The following SNX29 variants were observed in gnomAD, a reference collection of about 807,000 sequenced individuals.
SNX29 encodes sorting nexin-29.
A neutral mutation model predicts 102.1 loss-of-function variants in SNX29; 78 were observed. The ratio of observed to expected loss-of-function variants is 0.76; its 90% confidence interval spans 0.64 to 0.92. SNX29 has a LOEUF of 0.92. Among genes scored for constraint, SNX29 ranks in the 40% least tolerant of loss-of-function variants. The pLI is 0.00. For synonymous variants in SNX29, 580 were observed against 414.5 expected (o/e 1.40, Z -4.85); for missense variants, 1,280 against 1,061.7 (o/e 1.21, Z -2.86).
intron 14 of SNX29, among the ~76,000 whole-genome samples, chr16:12,206,384 CAAA>C (rs59859762): frequency 1.1e-4 from 10 of 92,130 alleles, no homozygotes; most frequent in African/African-American, 3.3e-4. Flanking sequence ...AAATAGCTTT[CAAA>C]AAAAAAAAAA....
chr16:12,370,589 T>G (rs2082647052), intron 16 of SNX29, among the ~76,000 whole-genome samples: 3 of 152,164 alleles, frequency 2.0e-5, no homozygotes, highest in African/African-American at 7.2e-5. Context: ...ACATCTCTGC[T>G]TCCTTGTCTC....
At chr16:12,084,486 G>A (rs1300243085) in intron 11 of SNX29, among the ~76,000 whole-genome samples, 1 of 152,228 alleles carries the variant, frequency 6.6e-6, no homozygotes, top group Non-Finnish European at 1.5e-5. Flanking sequence ...CCTCAGGGAT[G>A]CCTTGCATTT....
intron 15 of SNX29, among the ~76,000 whole-genome samples, chr16:12,303,519 T>G (rs1398169757): frequency 6.6e-6 from 1 of 151,888 alleles, no homozygotes; most frequent in Admixed American, 6.6e-5. Flanking sequence ...ATGAGAAAAG[T>G]GTAGAATGGA....
intron 20 of SNX29, among the ~76,000 whole-genome samples, chr16:12,537,074 T>C (rs182570611): frequency 8.4e-4 from 128 of 152,284 alleles, no homozygotes; most frequent in African/African-American, 3.0e-3. Flanking sequence ...ACGATGTAGA[T>C]TTATCCATGT....
At chr16:12,456,786 G>C (rs543202142) in intron 18 of SNX29, among the ~76,000 whole-genome samples, 2 of 152,146 alleles carry the variant, frequency 1.3e-5, no homozygotes, top group African/African-American at 4.8e-5. Flanking sequence ...GATGCATTGG[G>C]ATTGTGAGCT....
rs758885195 is a variant in SNX29, at chr16:12,365,983, A to G, written c.1899+9704A>G. 4.5e-5 allele frequency among the ~76,000 whole-genome samples: 6 copies of G among 134,142 alleles called. No individual in the cohort carries two copies. In the East Asian group the frequency reaches 6.9e-4, roughly 15 times the overall value. 88.0% of individuals were successfully genotyped at this position (134,142 alleles called of 152,430 possible). A position where few individuals can be genotyped will look rare whatever the true frequency, so the allele number is the denominator to read the frequency against. On this transcript the variant is annotated intron_variant, in intron 16 of 20. Coordinates refer to ENST00000566228, the MANE Select transcript of SNX29 (RefSeq NM_032167.5). Reference sequence around the variant, plus strand: ...CATGAACCCGGGAGGTGGAGGTTGCAGTGAGCAGAGATCGTGCCACTGCAC... The same window carrying G: ...CATGAACCCGGGAGGTGGAGGTTGCGGTGAGCAGAGATCGTGCCACTGCAC...
intron 14 of SNX29, among the ~76,000 whole-genome samples, chr16:12,273,715 C>T (rs1052479647): frequency 3.9e-5 from 6 of 152,146 alleles, no homozygotes; most frequent in African/African-American, 1.2e-4. Context: ...AATTCCAGAA[C>T]ATTTTTGTCA....
At chr16:12,152,433 C>T (rs1036780499) in intron 13 of SNX29, among the ~76,000 whole-genome samples, 1 of 152,140 alleles carries the variant, frequency 6.6e-6, no homozygotes, top group Admixed American at 6.6e-5. Context: ...ATGTGGGGAG[C>T]AGGAGACAGT....
intron 15 of SNX29, among the ~76,000 whole-genome samples, chr16:12,312,593 G>A (rs991874915): frequency 2.2e-4 from 33 of 152,008 alleles, no homozygotes; most frequent in African/African-American, 7.5e-4. Context: ...AGGGGGTCTC[G>A]CATTTCTTGG....
intron 20 of SNX29, chr16:12,556,447 GGA>G (rs2078355741): frequency 3.3e-5 from 5 of 152,258 alleles, no homozygotes; most frequent in Admixed American, 6.5e-5. Context: ...GAAACTCCAA[GGA>G]ACTCTTAGGC....
At chr16:12,009,947 A>T (rs2056591583) in intron 3 of SNX29, among the ~76,000 whole-genome samples, 1 of 152,208 alleles carries the variant, frequency 6.6e-6, no homozygotes, top group South Asian at 2.1e-4. Flanking sequence ...CCTTCAAATT[A>T]TGAACAGGAA....
chr16:12,503,619 TA>T (rs2089230269), intron 19 of SNX29, among the ~76,000 whole-genome samples: 1 of 152,278 alleles, frequency 6.6e-6, no homozygotes, highest in East Asian at 1.9e-4. Context: ...TGGTGCAGCT[TA>T]AAGCTGGCTC....
At chr16:12,422,426 G>T (rs1263524366) in intron 18 of SNX29, among the ~76,000 whole-genome samples, 2 of 152,206 alleles carry the variant, frequency 1.3e-5, no homozygotes, top group African/African-American at 2.4e-5. Context: ...GGGTGGGGCA[G>T]ACTTGGTAAC....
chr16:12,042,857 C>G, intron 4 of SNX29, 40 bp from the exon 5 acceptor site: 1 of 1,571,202 alleles, frequency 6.4e-7, no homozygotes, highest in Non-Finnish European at 8.7e-7. Flanking sequence ...TGCTGAGTGC[C>G]CCAGGCCGAG....
chr16:12,284,361 C>T (rs7197417), intron 15 of SNX29, among the ~76,000 whole-genome samples: 23 of 152,138 alleles, frequency 1.5e-4, no homozygotes, highest in Non-Finnish European at 2.8e-4. Flanking sequence ...TTGGGAATGA[C>T]ACATAAGAAC....
chr16:12,510,326 C>T (rs1028259867), intron 19 of SNX29, among the ~76,000 whole-genome samples: 7 of 151,968 alleles, frequency 4.6e-5, no homozygotes, highest in Non-Finnish European at 7.4e-5. Context: ...ACCGTGGAGG[C>T]CCTGGCAGCA....
intron 1 of SNX29, among the ~76,000 whole-genome samples, chr16:11,992,777 G>C (rs997066856): frequency 2.6e-5 from 4 of 152,186 alleles, no homozygotes; most frequent in African/African-American, 9.7e-5. Context: ...GCTTGTACCT[G>C]CTTAATGTGT....
intron 1 of SNX29, among the ~76,000 whole-genome samples, chr16:11,981,043 C>G (rs2055402799): frequency 6.6e-6 from 1 of 151,796 alleles, no homozygotes. Flanking sequence ...TCTCGTCTCA[C>G]TGCAACCTCT....
chr16:12,513,645 C>G lies in SNX29; in HGVS notation c.2179-11057C>G, dbSNP rs1483486842. 2.0e-5 allele frequency among the ~76,000 whole-genome samples: 3 copies of G among 152,184 alleles called. No individual in the cohort carries two copies. The East Asian group carries it at 5.8e-4, about 29-fold the overall frequency. On this transcript the variant is annotated intron_variant, in intron 19 of 20. Transcript: ENST00000566228. Reference sequence around the variant, plus strand: ...CCCGCTGATTGGCCCAGATGGGAGCCTCAGGACCTTCCTCATGAATATTTG... The same window carrying G: ...CCCGCTGATTGGCCCAGATGGGAGCGTCAGGACCTTCCTCATGAATATTTG...
Sources: gnomAD v4.1 joint callset for allele counts (sites outside exome capture counted in the v4.1 genomes callset) on GRCh38, gnomAD v4.1.1 for gene constraint, MANE v1.5 for transcripts, NCBI Gene and HGNC (gene_info 2026-07-23, HGNC 2026-07-21) for gene names.